Variants in HIVEP3 observed in about 807,000 individuals in gnomAD.
HIVEP3 encodes HIVEP zinc finger 3, also known as transcription factor HIVEP3.
A neutral mutation model predicts 152.8 loss-of-function variants in HIVEP3; 49 were observed. The observed-to-expected ratio is 0.32, with a 90% CI of 0.26 to 0.41. The LOEUF is 0.41. Ranked by LOEUF, HIVEP3 falls within the 10% of genes least tolerant of loss-of-function variation. The pLI is 1.00. For missense variants in HIVEP3, 2,790 were observed against 3,103.3 expected, an observed-to-expected ratio of 0.90 and a Z score of 2.40; for synonymous variants, 1,269 against 1,289.0, an observed-to-expected ratio of 0.98 and a Z score of 0.33.
chr1:41,761,074 A>G (rs1484672883), intron 1 of HIVEP3, among the ~76,000 whole-genome samples: 6 of 152,240 alleles, frequency 3.9e-5, no homozygotes, highest in African/African-American at 1.4e-4. Flanking sequence ...GGTGAGAGAG[A>G]CTACAGGGCA....
rs149357634 is a variant in HIVEP3 at position 41,554,545 on chromosome 1, C to T, written c.5207+20999G>A. Among the ~76,000 whole-genome samples, 595 of 152,268 alleles carry T rather than the reference C, an allele frequency of 3.9e-3. 3 individuals carry two copies. The highest frequency in any genetic ancestry group is 6.8e-3 in the Middle Eastern group (2 of 294). On this transcript the variant is annotated intron_variant, in intron 5 of 8. Coordinates refer to ENST00000372583, the MANE Select transcript of HIVEP3 (RefSeq NM_024503.5). Reference sequence around the variant, plus strand: ...TTTTTCCTTTGCTGGCAAGGAGCTGCGATCCTTTGGAGGAGAAGAGGCACT... The same window carrying T: ...TTTTTCCTTTGCTGGCAAGGAGCTGTGATCCTTTGGAGGAGAAGAGGCACT...
intron 3 of HIVEP3, among the ~76,000 whole-genome samples, chr1:41,590,415 A>G (rs1002837771): frequency 1.3e-5 from 2 of 152,210 alleles, no homozygotes; most frequent in African/African-American, 4.8e-5. Context: ...TGATGTATGC[A>G]ACTTCTAGGC....
At chr1:41,746,060 T>C (rs1212776912) in intron 1 of HIVEP3, among the ~76,000 whole-genome samples, 2 of 152,220 alleles carry the variant, frequency 1.3e-5, no homozygotes, top group African/African-American at 4.8e-5. Flanking sequence ...GCCCTAATCA[T>C]GCATTGGCAG....
chr1:41,600,774 G>A (rs1306266188), intron 3 of HIVEP3, among the ~76,000 whole-genome samples: 1 of 152,168 alleles, frequency 6.6e-6, no homozygotes, highest in Non-Finnish European at 1.5e-5. Context: ...ATAAGAATAT[G>A]TCATGAAGTT....
chr1:41,983,513 G>C (rs1645305437), intron 1 of HIVEP3, among the ~76,000 whole-genome samples: 1 of 152,120 alleles, frequency 6.6e-6, no homozygotes, highest in African/African-American at 2.4e-5. Flanking sequence ...AGAAGAAAAG[G>C]TATGGAGGAA....
intron 4 of HIVEP3, among the ~76,000 whole-genome samples, chr1:41,576,517 G>C (rs1367911057): frequency 1.3e-5 from 2 of 152,220 alleles, no homozygotes; most frequent in Non-Finnish European, 2.9e-5. Flanking sequence ...CAGAAATGCT[G>C]TGCTTAGGGG....
intron 7 of HIVEP3, 117 bp from the exon 8 acceptor site, chr1:41,513,867 G>T (rs901084245): frequency 2.6e-6 from 2 of 772,346 alleles, no homozygotes; most frequent in African/African-American, 3.5e-5. Flanking sequence ...AATAGCCATC[G>T]CAAGGGCACA....
chr1:41,569,114 G>C (rs1319827099), intron 5 of HIVEP3, among the ~76,000 whole-genome samples: 1 of 152,196 alleles, frequency 6.6e-6, no homozygotes, highest in Non-Finnish European at 1.5e-5. Flanking sequence ...CAGAAGCCGA[G>C]CAGATGCCAG....
intron 2 of HIVEP3, among the ~76,000 whole-genome samples, chr1:41,647,410 T>C (rs1645476964): frequency 1.3e-5 from 2 of 152,112 alleles, no homozygotes; most frequent in Non-Finnish European, 2.9e-5. Context: ...ATTGAAAACT[T>C]TGTCATGTTT....
In HIVEP3 at chr1:41,582,727, C is replaced by T. The variant is rs745375581; in HGVS notation, c.2071G>A (p.Glu691Lys). The change falls in exon 4 of 9, where the codon GAG becomes AAG. Residue 691 changes from glutamate to lysine, a missense_variant. By Grantham distance (56) the Glu-to-Lys change is moderately conservative. Transcript: ENST00000372583. The surrounding 1 kb of genome is among the most constrained non-coding windows in gnomAD (Gnocchi z 4.7). ...ATCATTTGGGACCACGGCTCATGCTCAATCTGACTCTTTTCAGCTTCTGGA... is the reference window on the plus strand; with the variant it reads ...ATCATTTGGGACCACGGCTCATGCTTAATCTGACTCTTTTCAGCTTCTGGA... Reference protein sequence around the residue: ...TSPEAEKSQIEHEPWSQMMHY... With the variant: ...TSPEAEKSQIKHEPWSQMMHY... The T allele has an allele frequency of 3.1e-6, 5 of 1,614,086 alleles. No homozygotes were observed. Among genetic ancestry groups the T allele is most frequent in the Admixed American group, 1.7e-5 (1 of 60,006 alleles).
intron 1 of HIVEP3, among the ~76,000 whole-genome samples, chr1:41,853,944 A>G (rs1437059593): frequency 6.6e-6 from 1 of 152,160 alleles, no homozygotes; most frequent in African/African-American, 2.4e-5. Flanking sequence ...AGAAGGCCAG[A>G]GGAGCTCACA....
At chr1:41,655,331 C>T (rs1645612515) in intron 2 of HIVEP3, among the ~76,000 whole-genome samples, 1 of 152,000 alleles carries the variant, frequency 6.6e-6, no homozygotes, top group East Asian at 1.9e-4. Flanking sequence ...GCCCATAATC[C>T]CAGCACTTTG....
intron 1 of HIVEP3, among the ~76,000 whole-genome samples, chr1:41,937,638 G>C (rs1645026244): frequency 6.6e-6 from 1 of 152,210 alleles, no homozygotes. Context: ...ATGTTGAAGT[G>C]ATGATGCATA....
chr1:41,553,539 A>C (rs1643919986), intron 5 of HIVEP3, among the ~76,000 whole-genome samples: 1 of 152,238 alleles, frequency 6.6e-6, no homozygotes, highest in Non-Finnish European at 1.5e-5. Flanking sequence ...TGATCCTGTC[A>C]TTATGATATT....
chr1:41,675,893 C>T (rs767310911), intron 2 of HIVEP3, among the ~76,000 whole-genome samples: 2 of 152,176 alleles, frequency 1.3e-5, no homozygotes, highest in African/African-American at 4.8e-5. Context: ...TGTGTCCACA[C>T]GGCCCAGCTC....
At chr1:41,731,615 C>T (rs1253069280) in intron 1 of HIVEP3, among the ~76,000 whole-genome samples, 2 of 152,192 alleles carry the variant, frequency 1.3e-5, no homozygotes, top group Non-Finnish European at 2.9e-5. Context: ...TGGAGGAAGC[C>T]ATCTGCCATG....
At chr1:41,679,968 C>A (rs1168026981) in intron 2 of HIVEP3, among the ~76,000 whole-genome samples, 1 of 152,200 alleles carries the variant, frequency 6.6e-6, no homozygotes, top group Non-Finnish European at 1.5e-5. Flanking sequence ...CTTTGCAGGA[C>A]ACCTGTCTGG....
chr1:41,685,357 G>A (rs1348276270), intron 2 of HIVEP3, among the ~76,000 whole-genome samples: 1 of 152,198 alleles, frequency 6.6e-6, no homozygotes, highest in African/African-American at 2.4e-5. Flanking sequence ...CTTTCTATAT[G>A]TTGAGAGCAG....
intron 1 of HIVEP3, among the ~76,000 whole-genome samples, chr1:41,825,690 T>TGACCACCCCAGACTCAGGTGATCC (rs1553266860): frequency 2.0e-5 from 3 of 152,086 alleles, no homozygotes; most frequent in Non-Finnish European, 2.9e-5. Flanking sequence ...ACTGTAGCCT[T>TGACCACCCCAGACTCAGGTGATCC]GACCACCCCA....
Sources: allele counts gnomAD v4.1 joint callset (sites outside exome capture counted in the v4.1 genomes callset), GRCh38; gene constraint gnomAD v4.1.1; non-coding constraint Gnocchi (gnomAD v3.1); transcripts MANE v1.5; gene names NCBI Gene and HGNC (gene_info 2026-07-23, HGNC 2026-07-21).